GLIS3: variants seen among roughly 807,000 people sequenced by gnomAD.
The protein encoded by GLIS3 is GLIS family zinc finger 3, also known as zinc finger protein GLIS3.
Under a neutral mutation model 78.6 loss-of-function variants are expected in GLIS3, and 53 were observed. That is an observed-to-expected ratio of 0.67 (90% CI 0.54 to 0.85). GLIS3 has a LOEUF of 0.85. GLIS3 is among the 40% of genes least tolerant of loss of function. GLIS3 has a pLI of 0.00. For synonymous variants in GLIS3, 684 were observed against 509.9 expected (o/e 1.34, Z -4.60); for missense variants, 1,703 against 1,231.1 (o/e 1.38, Z -5.74).
intron 2 of GLIS3, among the ~76,000 whole-genome samples, chr9:4,213,952 C>T (rs1330882921): frequency 6.8e-6 from 1 of 146,690 alleles, no homozygotes; most frequent in Non-Finnish European, 1.5e-5. Context: ...ACAACTAAAA[C>T]TGAACAAAAA....
chr9:4,370,339 C>T, the GLIS3 span, among the ~76,000 whole-genome samples: 1 of 152,286 alleles, frequency 6.6e-6, no homozygotes, highest in Non-Finnish European at 1.5e-5. Context: ...TCCAGGACAG[C>T]AGCCCTGCTC....
At chr9:3,831,767 A>G (rs1347939026) in intron 9 of GLIS3, among the ~76,000 whole-genome samples, 1 of 152,220 alleles carries the variant, frequency 6.6e-6, no homozygotes, top group Non-Finnish European at 1.5e-5. Context: ...CATTTATGTG[A>G]TGGGAATTTT....
intron 2 of GLIS3, among the ~76,000 whole-genome samples, chr9:4,233,841 T>A (rs1483889796): frequency 3.3e-5 from 5 of 152,236 alleles, no homozygotes; most frequent in Non-Finnish European, 7.3e-5. Context: ...GTAGCCATCA[T>A]CATCAGTGAT....
chr9:4,049,350 C>G (rs551371882), intron 4 of GLIS3, among the ~76,000 whole-genome samples: 1 of 152,146 alleles, frequency 6.6e-6, no homozygotes, highest in Admixed American at 6.6e-5. Flanking sequence ...CCTCACCTCC[C>G]TACAACGTGA....
chr9:4,472,703 C>A, the GLIS3 span, among the ~76,000 whole-genome samples: 6 of 152,084 alleles, frequency 3.9e-5, no homozygotes, highest in East Asian at 1.9e-4. Context: ...ACATGTACAC[C>A]TATGTAACAA....
intron 4 of GLIS3, among the ~76,000 whole-genome samples, chr9:3,978,890 C>T (rs1004381242): frequency 1.3e-5 from 2 of 151,762 alleles, no homozygotes; most frequent in East Asian, 1.9e-4. Flanking sequence ...AAAAATACAA[C>T]GATAAAAATA....
At chr9:4,433,825 C>T in the GLIS3 span, among the ~76,000 whole-genome samples, 1 of 152,106 alleles carries the variant, frequency 6.6e-6, no homozygotes, top group Non-Finnish European at 1.5e-5. Flanking sequence ...GGCGGGGCGC[C>T]GCTGCTCATG....
chr9:3,885,589 T>C (rs903434680), intron 7 of GLIS3, among the ~76,000 whole-genome samples: 2 of 152,182 alleles, frequency 1.3e-5, no homozygotes, highest in Non-Finnish European at 2.9e-5. Flanking sequence ...TCTTGGGCAG[T>C]ATTTCCAGGG....
intron 4 of GLIS3, among the ~76,000 whole-genome samples, chr9:4,073,586 AT>A (rs1157958210): frequency 6.6e-6 from 1 of 152,082 alleles, no homozygotes; most frequent in East Asian, 1.9e-4. Context: ...GAAACTCAGG[AT>A]TGCCCCTGCT....
At chr9:4,077,457 AGAAAG>A (rs942832820) in intron 4 of GLIS3, among the ~76,000 whole-genome samples, 1 of 152,204 alleles carries the variant, frequency 6.6e-6, no homozygotes, top group Non-Finnish European at 1.5e-5. Flanking sequence ...AATAAAACTT[AGAAAG>A]GAAAGATACT....
At chr9:3,942,398 A>C (rs192940352) in intron 4 of GLIS3, among the ~76,000 whole-genome samples, 54 of 152,270 alleles carry the variant, frequency 3.5e-4, no homozygotes, top group African/African-American at 1.2e-3. Context: ...ATCTCCACAT[A>C]CAACCCAAAG....
intron 9 of GLIS3, among the ~76,000 whole-genome samples, chr9:3,838,461 A>C (rs926783127): frequency 3.9e-5 from 6 of 152,168 alleles, no homozygotes; most frequent in African/African-American, 2.4e-5. Context: ...CAGAGGGTAG[A>C]ATAAAGGAAG....
chr9:4,111,426 A>C (rs1437168227), intron 4 of GLIS3, among the ~76,000 whole-genome samples: 1 of 152,210 alleles, frequency 6.6e-6, no homozygotes, highest in East Asian at 1.9e-4. Context: ...TATTTTAAGG[A>C]CAAAGTTCAT....
At chr9:3,855,781 T>C (rs1224450905) in intron 9 of GLIS3, 1 of 534,114 alleles carries the variant, frequency 1.9e-6, no homozygotes, top group African/African-American at 1.9e-5. Context: ...AACCAGCAAC[T>C]TGAGCTGACC....
intron 2 of GLIS3, among the ~76,000 whole-genome samples, chr9:4,198,349 C>G (rs1419622594): frequency 6.6e-6 from 1 of 151,980 alleles, no homozygotes; most frequent in Non-Finnish European, 1.5e-5. Context: ...TTTCAAATTC[C>G]TTACATGAGT....
At chr9:3,849,346 G>A (rs1381033790) in intron 9 of GLIS3, among the ~76,000 whole-genome samples, 4 of 152,164 alleles carry the variant, frequency 2.6e-5, no homozygotes, top group South Asian at 2.1e-4. Context: ...CGGAATCTCC[G>A]TTTTGTTAAG....
In GLIS3 at chr9:4,317,641, A is replaced by G. The variant is rs1256152773; in HGVS notation, n.265-7113T>C. Among the ~76,000 whole-genome samples, 3 of 152,360 alleles carry G rather than the reference A, an allele frequency of 2.0e-5. No homozygotes were observed. In the East Asian group the frequency reaches 5.8e-4, roughly 29 times the overall value. On this transcript the variant is annotated intron_variant and non_coding_transcript_variant, in intron 2 of 4. Transcript: ENST00000471664. ...TATTTTCATTAGTCATAGATTCTAA[A>G]TGTATCTTTTTTAAAAATCAGCAGG...
At chr9:4,274,103 C>G (rs1826770249) in intron 2 of GLIS3, among the ~76,000 whole-genome samples, 1 of 152,168 alleles carries the variant, frequency 6.6e-6, no homozygotes, top group Non-Finnish European at 1.5e-5. Context: ...GATGAGGAAA[C>G]TGAGGCAGGA....
At chr9:3,858,544 C>G (rs1353340691) in intron 8 of GLIS3, among the ~76,000 whole-genome samples, 2 of 151,994 alleles carry the variant, frequency 1.3e-5, no homozygotes, top group Non-Finnish European at 2.9e-5. Flanking sequence ...CTAATTCAGG[C>G]TGAATTTTCC....
Sources: gnomAD v4.1 joint callset for allele counts (sites outside exome capture counted in the v4.1 genomes callset) on GRCh38, gnomAD v4.1.1 for gene constraint, MANE v1.5 for transcripts, NCBI Gene and HGNC (gene_info 2026-07-23, HGNC 2026-07-21) for gene names.